The following STC1 variants were observed in gnomAD, a reference collection of about 807,000 sequenced individuals.
STC1 encodes the protein stanniocalcin-1.
Under a neutral mutation model 22.6 loss-of-function variants are expected in STC1, and 7 were observed. The ratio of observed to expected loss-of-function variants is 0.31; its 90% CI spans 0.18 to 0.58. STC1 has a LOEUF of 0.58. Ranked by LOEUF, STC1 falls within the 20% of genes least tolerant of loss-of-function variation. The pLI, the probability that STC1 is intolerant of heterozygous loss-of-function variation, is 0.89. For synonymous variants in STC1, 113 were observed against 120.7 expected (o/e 0.94, Z 0.42); for missense variants, 224 against 311.0 (o/e 0.72, Z 2.10).
chr8:23,845,979 T>A (rs1802567622), intron 3 of STC1, among the ~76,000 whole-genome samples: 1 of 152,230 alleles, frequency 6.6e-6, no homozygotes, highest in South Asian at 2.1e-4. Flanking sequence ...ATTTGTGTCC[T>A]TCTTTGTATT....
At chr8:23,847,767 G>A (rs1245327136) in intron 3 of STC1, among the ~76,000 whole-genome samples, 1 of 152,232 alleles carries the variant, frequency 6.6e-6, no homozygotes, top group African/African-American at 2.4e-5. Context: ...CACCTATTTA[G>A]TGAGCACCTT....
rs1251889048 is a variant in STC1, at chr8:23,844,844, C to T, written c.670G>A (p.Val224Ile). Residue 224 changes from valine to isoleucine, a missense_variant, in exon 4 of 4, where the codon GTC becomes ATC. Coordinates refer to ENST00000290271, the MANE Select transcript of STC1 (RefSeq NM_003155.3). ...RRTNEPQKLK[V>I]LLRNLRGEED... is the part of the protein sequence containing the mutation. ...TCACCTCGGAGGTTCCTGAGGAGGA[C>T]TTTCAGCTTCTGCGGCTCATTGGTG... 2 of 1,613,946 alleles carry T rather than the reference C, an allele frequency of 1.2e-6. No homozygotes were observed. The highest frequency in any genetic ancestry group is 2.7e-5 in the African/African-American group (2 of 74,886).
At position 23,854,762 on chromosome 8, in the gene STC1, T is replaced by TGCTGCTGCA; in HGVS notation, c.-248_-240dup. ...CTGCTGCCACCGCCGCTGCTGCTGC[T>TGCTGCTGCA]GCTGCTGCAGTCGCTGCTTCTTGCA... is the stretch of plus-strand genomic sequence containing the variant. On this transcript the variant is annotated 5_prime_UTR_variant, in exon 1 of 4. Coordinates refer to ENST00000290271, the MANE Select transcript of STC1 (RefSeq NM_003155.3). The TGCTGCTGCA allele has an allele frequency of 1.6e-6, 1 of 624,114 alleles. No individual in the cohort carries two copies. Among genetic ancestry groups the TGCTGCTGCA allele is most frequent in the Non-Finnish European group, 3.0e-6 (1 of 335,696 alleles). 38.7% of individuals were successfully genotyped at this position (624,114 alleles called of 1,614,324 possible).
rs10638798 is a variant in STC1, at chr8:23,842,484, CAAAAAAAAAAA to C, written c.*2275_*2285del. 1.6e-4 allele frequency: 13 copies of C among 80,148 alleles called. No individual in the cohort carries two copies. Among genetic ancestry groups the C allele is most frequent in the East Asian group, 1.2e-3 (3 of 2,502 alleles). 5.0% of individuals were successfully genotyped at this position (80,148 alleles called of 1,614,324 possible). A position where few individuals can be genotyped will look rare whatever the true frequency, so the allele number is the denominator to read the frequency against. On this transcript the variant is annotated 3_prime_UTR_variant, in exon 4 of 4. Coordinates refer to ENST00000290271, the MANE Select transcript of STC1 (RefSeq NM_003155.3). ...TACCACGGTTTGAAGAGGTCACAGC[CAAAAAAAAAAA>C]AAAAAAAAAAGAAAAGAAAAAAGGA... is the stretch of plus-strand genomic sequence containing the variant.
chr8:23,848,447 G>C (rs780876519), intron 3 of STC1, among the ~76,000 whole-genome samples: 5 of 143,110 alleles, frequency 3.5e-5, no homozygotes, highest in Non-Finnish European at 7.5e-5. Context: ...CAGGAGAATT[G>C]CTTGAACCCA....
intron 3 of STC1, among the ~76,000 whole-genome samples, chr8:23,849,810 G>A (rs900002246): frequency 3.3e-5 from 5 of 151,602 alleles, no homozygotes; most frequent in Non-Finnish European, 7.4e-5. Context: ...TTTGTCCTTA[G>A]CCCCTGTCTG....
At chr8:23,851,241 C>T in intron 3 of STC1, 79 bp downstream of exon 3, 1 of 1,392,332 alleles carries the variant, frequency 7.2e-7, no homozygotes, top group Non-Finnish European at 1.0e-6. Context: ...GCAATTTAAC[C>T]CTCCCTCCCA....
chr8:23,844,503 AC>A lies in STC1; in HGVS notation c.*266del. ...GTGGTCTCAGGGGAGCAGGGGAAAA[AC>A]ATGGCAGAGGAAGTTGGTAAAAGAG... On this transcript the variant is annotated 3_prime_UTR_variant, in exon 4 of 4. Transcript: ENST00000290271. 2.3e-6 allele frequency: 1 copy of A among 435,254 alleles called. No individual in the cohort carries two copies. The highest frequency in any genetic ancestry group is 3.8e-5 in the East Asian group (1 of 26,278). The allele number at this position is 435,254 out of a possible 1,614,324, so 27.0% of individuals were successfully genotyped here.
In STC1 at chr8:23,845,553, G is replaced by GGTGTGT. The variant is rs10679520; in HGVS notation, c.474-519_474-514dup. Among the ~76,000 whole-genome samples the GGTGTGT allele has an allele frequency of 4.0e-3, 597 of 150,372 alleles. 2 individuals carry two copies. The highest frequency in any genetic ancestry group is 6.0e-3 in the Non-Finnish European group (407 of 67,386). On this transcript the variant is annotated intron_variant, in intron 3 of 3. Transcript: ENST00000290271. ...CTTTTTTTGGTGGTGTGTGGGCACA[G>GGTGTGT]GTGTGTGTGTGTGTGTGTGTATGCA...
At chr8:23,851,603 G>C in intron 2 of STC1, 72 bp from the exon 3 acceptor site, 1 of 1,418,984 alleles carries the variant, frequency 7.0e-7, no homozygotes, top group Non-Finnish European at 9.8e-7. Context: ...ATACATGGAG[G>C]AATTTAAGGG....
In STC1 at chr8:23,852,317, G is replaced by A. The variant is rs757266485; in HGVS notation, c.186C>T (p.Asn62=). The change falls in exon 2 of 4, where the codon AAC becomes AAT. Residue 62 remains asparagine, a synonymous_variant. Transcript: ENST00000290271. ...ACATCCCATCTGTGTCACAGGTGGAGTTTTCCAGGCATGCAAAAGCCCCGC... is the reference window on the plus strand; with the variant it reads ...ACATCCCATCTGTGTCACAGGTGGAATTTTCCAGGCATGCAAAAGCCCCGC... ...VGCGAFACLE[N]STCDTDGMYD... is the part of the protein sequence containing the mutation. 3 of 1,614,106 alleles carry A rather than the reference G, an allele frequency of 1.9e-6. No individual in the cohort carries two copies. Among genetic ancestry groups the A allele is most frequent in the South Asian group, 1.1e-5 (1 of 91,060 alleles).
Position 23,843,297 on chromosome 8 carries a change from CTTTCTTTTTTT to C in STC1, c.*1462_*1472del, listed in dbSNP as rs1435107435. 1 of 152,428 alleles carries C rather than the reference CTTTCTTTTTTT, an allele frequency of 6.6e-6. No individual in the cohort carries two copies. Among genetic ancestry groups the C allele is most frequent in the Non-Finnish European group, 1.5e-5 (1 of 68,016 alleles). The allele number at this position is 152,428 out of a possible 1,614,324, so 9.4% of individuals were successfully genotyped here. A position where few individuals can be genotyped will look rare whatever the true frequency, so the allele number is the denominator to read the frequency against. The stretch of plus-strand genomic sequence containing the variant: ...AACCACCAGCTCTTTTTCCCTCTTT[CTTTCTTTTTTT>C]TTTCTTTTTTTCTATTTTTTTACGA... On this transcript the variant is annotated 3_prime_UTR_variant, in exon 4 of 4. Transcript: ENST00000290271.
At position 23,844,761 on chromosome 8, in the gene STC1, T is replaced by C; in HGVS notation, c.*9A>G. 6.2e-7 allele frequency: 1 copy of C among 1,611,490 alleles called. No homozygotes were observed. Among genetic ancestry groups the C allele is most frequent in the Admixed American group, 1.7e-5 (1 of 59,972 alleles). ...TAGTTTGGTGAGGTTGTGAATAACC[T>C]CTCCCTGGTTATGCACTCTCATGGG... On this transcript the variant is annotated 3_prime_UTR_variant, in exon 4 of 4. Transcript: ENST00000290271.
At chr8:23,854,033 A>G (rs1471809288) in intron 1 of STC1, 3 of 1,052,170 alleles carry the variant, frequency 2.9e-6, no homozygotes, top group Non-Finnish European at 3.5e-6. Flanking sequence ...GCATCAAACA[A>G]GCCAGGTCTT....
In STC1 at chr8:23,844,802, G is replaced by T; in HGVS notation, c.712C>A (p.His238Asn). Residue 238 changes from histidine (H) to asparagine (N), a missense_variant, in exon 4 of 4, where the codon CAC becomes AAC. His to Asn is a moderately conservative substitution (Grantham distance 68). Transcript: ENST00000290271. Reference protein sequence around the residue: ...NLRGEEDSPSHIKRTSHESA With the variant: ...NLRGEEDSPSNIKRTSHESA ...CTCTCATGGGATGTGCGTTTGATGTGGGAGGGAGAGTCCTCCTCACCTCGG... is the reference window on the plus strand; with the variant it reads ...CTCTCATGGGATGTGCGTTTGATGTTGGAGGGAGAGTCCTCCTCACCTCGG... 1 of 1,614,136 alleles carries T rather than the reference G, an allele frequency of 6.2e-7. No homozygotes were observed. The highest frequency in any genetic ancestry group is 8.5e-7 in the Non-Finnish European group (1 of 1,180,024).
In STC1 at chr8:23,851,360, T is replaced by A. The variant is rs1443619228; in HGVS notation, c.433A>T (p.Ile145Phe). The change falls in exon 3 of 4, where the codon ATC becomes TTC. Residue 145 changes from isoleucine (I) to phenylalanine (F), a missense_variant. Transcript: ENST00000290271. ...CSIAKRNPEA[I>F]TEVVQLPNHF... ...TTGGGCAGCTGGACGACCTCAGTGA[T>A]GGCTTCAGGGTTCCGCTTGGCGATG... 1 of 1,614,058 alleles carries A rather than the reference T, an allele frequency of 6.2e-7. No individual in the cohort carries two copies. Among genetic ancestry groups the A allele is most frequent in the Non-Finnish European group, 8.5e-7 (1 of 1,180,048 alleles).
Position 23,844,698 on chromosome 8 carries a change from C to T in STC1, c.*72G>A. The T allele has an allele frequency of 6.4e-7, 1 of 1,551,048 alleles. No homozygotes were observed. The highest frequency in any genetic ancestry group is 1.4e-5 in the African/African-American group (1 of 73,614). On this transcript the variant is annotated 3_prime_UTR_variant, in exon 4 of 4. Coordinates refer to ENST00000290271, the MANE Select transcript of STC1 (RefSeq NM_003155.3). ...TAAAAAAATCAAACCAGGCACAGTA[C>T]ACTCAAAACTGGTGTGTCAACACCC...
Position 23,844,951 on chromosome 8 carries a change from G to A in STC1, c.563C>T (p.Pro188Leu). 6.2e-7 allele frequency: 1 copy of A among 1,614,136 alleles called. No individual in the cohort carries two copies. The highest frequency in any genetic ancestry group is 8.5e-7 in the Non-Finnish European group (1 of 1,180,038). ...GATGTGGAAGAGGCTGGCCATGTTAGGCCCAATTTTCTCCATCAGGCTGTC... is the reference window on the plus strand; with the variant it reads ...GATGTGGAAGAGGCTGGCCATGTTAAGCCCAATTTTCTCCATCAGGCTGTC... ...IRDSLMEKIGPNMASLFHILQ... is the reference protein window; with the variant it reads ...IRDSLMEKIGLNMASLFHILQ... Residue 188 changes from proline to leucine, a missense_variant, in exon 4 of 4, where the codon CCT (proline) becomes CTT (leucine). Coordinates refer to ENST00000290271, the MANE Select transcript of STC1 (RefSeq NM_003155.3).
Position 23,854,488 on chromosome 8 carries a change from C to G in STC1, c.36G>C (p.Val12=). 6.2e-7 allele frequency: 1 copy of G among 1,614,096 alleles called. No homozygotes were observed. Residue 12 remains valine, a synonymous_variant, in exon 1 of 4, where the codon GTG becomes GTC. Coordinates refer to ENST00000290271, the MANE Select transcript of STC1 (RefSeq NM_003155.3). ...LQNSAVLLVL[V]ISASATHEAE... ...CCTCATGGGTTGCAGAAGCACTGAT[C>G]ACCAGCACCAGAAGCACTGCTGAGT...
Sources: gnomAD v4.1 joint callset for allele counts (sites outside exome capture counted in the v4.1 genomes callset) on GRCh38, gnomAD v4.1.1 for gene constraint, MANE v1.5 for transcripts, NCBI Gene and HGNC (gene_info 2026-07-23, HGNC 2026-07-21) for gene names.